Variants in TBC1D5 observed in about 807,000 individuals in gnomAD.
TBC1D5 encodes TBC1 domain family, member 5.
A neutral mutation model predicts 100.3 loss-of-function variants in TBC1D5; 75 were observed. The ratio of observed to expected loss-of-function variants is 0.75; its 90% CI spans 0.62 to 0.91. The LOEUF (loss-of-function observed/expected upper bound fraction) is 0.91. Among genes scored for constraint, TBC1D5 ranks in the 40% least tolerant of loss-of-function variants. The probability of loss-of-function intolerance (pLI) is 0.00; values close to 1 mark genes in which losing one functional copy is unlikely to be tolerated. For synonymous variants in TBC1D5, 323 were observed against 325.6 expected (o/e 0.99, Z 0.09); for missense variants, 910 against 942.4 (o/e 0.97, Z 0.45).
At position 17,497,848 on chromosome 3, in the gene TBC1D5, A is replaced by G. The variant is rs1576367213; in HGVS notation, c.97+10626T>C. ...CTTGAGTGAGTAAAGCTAAATTCTC[A>G]TTATTTATCTGTAGATAAATCAAAG... On this transcript the variant is annotated intron_variant, in intron 3 of 21. Coordinates refer to ENST00000253692, the Ensembl canonical transcript of TBC1D5. Among the ~76,000 whole-genome samples, 6 of 152,328 alleles carry G rather than the reference A, an allele frequency of 3.9e-5. 1 individual carries two copies. The highest frequency in any genetic ancestry group is 3.9e-4 in the Admixed American group (6 of 15,312).
rs368752292 is a variant in TBC1D5 at position 17,439,059 on chromosome 3, CT to C, written c.98-10541del. Among the ~76,000 whole-genome samples, 154 of 152,032 alleles carry C rather than the reference CT, an allele frequency of 1.0e-3. 2 individuals are homozygous for C. In the South Asian group the frequency reaches 0.018, roughly 18 times the overall value. The stretch of plus-strand genomic sequence containing the variant: ...TATATTTATCAAAATTATTCTTTTT[CT>C]TCAGTGCAATAAAAAGGAAACATCT... On this transcript the variant is annotated intron_variant, in intron 3 of 21. Transcript: ENST00000253692.
intron 1 of TBC1D5, among the ~76,000 whole-genome samples, chr3:17,695,506 A>C (rs1560487617): frequency 6.6e-6 from 1 of 152,252 alleles, no homozygotes; most frequent in Non-Finnish European, 1.5e-5. Context: ...AAAGAAGGCC[A>C]TTACATAATG....
rs997693677 is a variant in TBC1D5 at position 17,581,812 on chromosome 3, T to G, written c.-36+42037A>C. Among the ~76,000 whole-genome samples, 59 of 152,118 alleles carry G rather than the reference T, an allele frequency of 3.9e-4. 1 individual carries two copies. Among genetic ancestry groups the G allele is most frequent in the Admixed American group, 2.4e-3 (36 of 15,260 alleles). ...ATTCAAAATGAAATCTAAATATAAA[T>G]CCTTAAAAGACCTAGATTCTCAGTT... On this transcript the variant is annotated intron_variant, in intron 2 of 21. Coordinates refer to ENST00000253692, the Ensembl canonical transcript of TBC1D5.
At chr3:17,614,395 T>A (rs1252213017) in intron 2 of TBC1D5, among the ~76,000 whole-genome samples, 1 of 152,224 alleles carries the variant, frequency 6.6e-6, no homozygotes, top group Admixed American at 6.5e-5. Context: ...CATATGAACT[T>A]TAAAGTAGTT....
intron 1 of TBC1D5, among the ~76,000 whole-genome samples, chr3:17,729,663 C>T (rs1363460609): frequency 6.6e-6 from 1 of 151,980 alleles, no homozygotes; most frequent in African/African-American, 2.4e-5. Context: ...GCCAAGATCA[C>T]ACCACTGCAC....
chr3:17,654,978 T>G (rs1335154174), intron 1 of TBC1D5, among the ~76,000 whole-genome samples: 1 of 151,786 alleles, frequency 6.6e-6, no homozygotes, highest in Non-Finnish European at 1.5e-5. Context: ...CTGATGGTAG[T>G]TTGTATTTCT....
intron 17 of TBC1D5, among the ~76,000 whole-genome samples, chr3:17,226,435 C>A (rs776375186): frequency 1.3e-5 from 2 of 151,844 alleles, no homozygotes. Flanking sequence ...ATTCCCTCTT[C>A]AGGTCCAAGG....
At chr3:17,391,643 C>T (rs897129056) in intron 8 of TBC1D5, among the ~76,000 whole-genome samples, 18 of 151,400 alleles carry the variant, frequency 1.2e-4, no homozygotes, top group African/African-American at 4.1e-4. Context: ...AGGAGAGCAT[C>T]AGTGAGAAAT....
chr3:17,457,410 A>G (rs116683815), intron 3 of TBC1D5, among the ~76,000 whole-genome samples: 16 of 152,108 alleles, frequency 1.1e-4, no homozygotes, highest in Non-Finnish European at 1.3e-4. Flanking sequence ...GGTGATTTCT[A>G]TTGACCTATC....
rs59007406 is a variant in TBC1D5 at position 17,537,166 on chromosome 3, C to T, written c.-35-28561G>A. Reference sequence around the variant, plus strand: ...TTTTAGGTAAAATATTTTTATTTCCCTCAGGGCCCACTATCTGTCATTTGA... The same window carrying T: ...TTTTAGGTAAAATATTTTTATTTCCTTCAGGGCCCACTATCTGTCATTTGA... On this transcript the variant is annotated intron_variant, in intron 2 of 21. Transcript: ENST00000253692. Among the ~76,000 whole-genome samples the T allele has an allele frequency of 8.9e-3, 1,358 of 152,132 alleles. 28 individuals are homozygous for T. The highest frequency in any genetic ancestry group is 0.031 in the African/African-American group (1,279 of 41,484).
intron 13 of TBC1D5, among the ~76,000 whole-genome samples, chr3:17,308,862 T>C (rs1035801632): frequency 3.3e-5 from 5 of 152,092 alleles, no homozygotes; most frequent in Non-Finnish European, 7.4e-5. Flanking sequence ...GCAACATCTA[T>C]ATATAATTGT....
chr3:17,705,823 ACTC>A (rs1433999418), intron 1 of TBC1D5, among the ~76,000 whole-genome samples: 1 of 112,314 alleles, frequency 8.9e-6, no homozygotes, highest in African/African-American at 3.5e-5. Flanking sequence ...AGGCAGAGAC[ACTC>A]CTCACTTCCC....
At chr3:17,417,996 G>T (rs1029883063) in intron 4 of TBC1D5, among the ~76,000 whole-genome samples, 1 of 152,088 alleles carries the variant, frequency 6.6e-6, no homozygotes, top group Non-Finnish European at 1.5e-5. Flanking sequence ...ATCTGAAAAG[G>T]TAGCCTGGAA....
At chr3:17,251,797 T>C (rs2077207768) in intron 16 of TBC1D5, among the ~76,000 whole-genome samples, 2 of 152,222 alleles carry the variant, frequency 1.3e-5, no homozygotes. Context: ...TTCCTACTCA[T>C]TCAGAAAGCT....
At chr3:17,348,857 A>C (rs1371203463) in intron 13 of TBC1D5, among the ~76,000 whole-genome samples, 1 of 152,186 alleles carries the variant, frequency 6.6e-6, no homozygotes, top group African/African-American at 2.4e-5. Context: ...TTGAAACTGA[A>C]ACAAAATACC....
At chr3:17,393,204 G>GTTGT (rs2093407886) in intron 8 of TBC1D5, among the ~76,000 whole-genome samples, 1 of 151,938 alleles carries the variant, frequency 6.6e-6, no homozygotes, top group Non-Finnish European at 1.5e-5. Flanking sequence ...TTTTGATGGG[G>GTTGT]TTGTTTTTTT....
chr3:17,352,151 C>T lies in TBC1D5; in HGVS notation c.995+19924G>A, dbSNP rs79399540. Among the ~76,000 whole-genome samples the T allele has an allele frequency of 1.1e-4, 17 of 152,142 alleles. No individual in the cohort carries two copies. In the East Asian group the frequency reaches 2.9e-3, roughly 26 times the overall value. On this transcript the variant is annotated intron_variant, in intron 13 of 21. Transcript: ENST00000253692. ...TAAAGCCAATTCCTACTGATTAATG[C>T]AGAGCATTATGCACTTTGTATAAAT... is the stretch of plus-strand genomic sequence containing the variant.
At chr3:17,472,296 A>G (rs2095386320) in intron 3 of TBC1D5, among the ~76,000 whole-genome samples, 1 of 151,568 alleles carries the variant, frequency 6.6e-6, no homozygotes, top group Non-Finnish European at 1.5e-5. Context: ...GCGCCACCAC[A>G]CCCAGCTAAT....
intron 15 of TBC1D5, among the ~76,000 whole-genome samples, chr3:17,281,657 G>A (rs2080613323): frequency 6.6e-6 from 1 of 152,138 alleles, no homozygotes; most frequent in Admixed American, 6.5e-5. Flanking sequence ...ATGATAAAAT[G>A]TTTTGCTTTT....
Sources: gnomAD v4.1 joint callset for allele counts (sites outside exome capture counted in the v4.1 genomes callset) on GRCh38, gnomAD v4.1.1 for gene constraint, MANE v1.5 for transcripts, NCBI Gene and HGNC (gene_info 2026-07-23, HGNC 2026-07-21) for gene names.